The following GLB1L3 variants were observed in gnomAD, a reference collection of about 807,000 sequenced individuals.
The protein encoded by GLB1L3 is beta-galactosidase-1-like protein 3.
A neutral mutation model predicts 89.5 loss-of-function variants in GLB1L3; 89 were observed. The ratio of observed to expected loss-of-function variants is 0.99; its 90% CI spans 0.84 to 1.19. The LOEUF (loss-of-function observed/expected upper bound fraction) is 1.19. Among genes scored for constraint, GLB1L3 ranks in the 50% most tolerant of loss-of-function variants. The pLI is 0.00. For missense variants in GLB1L3, 812 were observed against 813.3 expected, an observed-to-expected ratio of 1.00 and a Z score of 0.02; for synonymous variants, 314 against 312.3, an observed-to-expected ratio of 1.01 and a Z score of -0.06.
chr11:134,304,870 C>T (rs1942114001), intron 9 of GLB1L3, among the ~76,000 whole-genome samples: 1 of 152,022 alleles, frequency 6.6e-6, no homozygotes, highest in African/African-American at 2.4e-5. Flanking sequence ...GAAAAAAACT[C>T]TTTTTTATTA....
chr11:134,309,898 C>A, intron 11 of GLB1L3, 135 bp downstream of exon 11: 2 of 966,994 alleles, frequency 2.1e-6, no homozygotes, highest in Non-Finnish European at 1.5e-6. Flanking sequence ...ATTTTCCTAT[C>A]TACTTTCCTT....
intron 3 of GLB1L3, among the ~76,000 whole-genome samples, chr11:134,280,434 T>A (rs1591531124): frequency 6.6e-6 from 1 of 152,220 alleles, no homozygotes; most frequent in Admixed American, 6.5e-5. Flanking sequence ...GGCTACTGGG[T>A]TCTCTATGTA....
At chr11:134,324,327 T>C (rs773686297), downstream of GLB1L3, among the ~76,000 whole-genome samples, 1 of 152,180 alleles carries the variant, frequency 6.6e-6, no homozygotes, top group African/African-American at 2.4e-5. Flanking sequence ...GGAAAACATA[T>C]TTTAGTAGCA....
At chr11:134,282,515 C>T (rs959621389) in intron 5 of GLB1L3, among the ~76,000 whole-genome samples, 2 of 152,182 alleles carry the variant, frequency 1.3e-5, no homozygotes, top group African/African-American at 4.8e-5. Flanking sequence ...TTAAGGCCTG[C>T]AAGGGAAGGT....
intron 8 of GLB1L3, 57 bp from the exon 9 acceptor site, chr11:134,293,088 C>T: frequency 6.8e-7 from 1 of 1,467,830 alleles, no homozygotes; most frequent in Non-Finnish European, 9.5e-7. Context: ...GCATTCCTTC[C>T]CTTCCCTGAC....
intron 3 of GLB1L3, among the ~76,000 whole-genome samples, chr11:134,279,393 G>A (rs1940563187): frequency 8.9e-6 from 1 of 111,898 alleles, no homozygotes. Context: ...TTGAGATAGA[G>A]TCTTGCTCTG....
intron 18 of GLB1L3, among the ~76,000 whole-genome samples, chr11:134,315,813 A>G (rs928620045): frequency 3.9e-5 from 6 of 151,996 alleles, no homozygotes; most frequent in Admixed American, 6.6e-5. Flanking sequence ...TGTTTATTCA[A>G]TTTCTTAGTT....
chr11:134,324,682 T>C, the GLB1L3 span, among the ~76,000 whole-genome samples: 1 of 152,114 alleles, frequency 6.6e-6, no homozygotes, highest in Non-Finnish European at 1.5e-5. Context: ...CTCATGAAAT[T>C]TGAGGTGGCA....
At chr11:134,292,793 T>C (rs1233245926) in intron 8 of GLB1L3, 7 of 409,318 alleles carry the variant, frequency 1.7e-5, no homozygotes, top group African/African-American at 1.0e-4. Context: ...TCTGCCTCCT[T>C]AGTAGTGGCT....
chr11:134,281,318 A>G, intron 3 of GLB1L3, 59 bp from the exon 4 acceptor site: 1 of 1,604,808 alleles, frequency 6.2e-7, no homozygotes. Context: ...GGGCAGACCT[A>G]ACAATTTGGA....
intron 3 of GLB1L3, 64 bp downstream of exon 3, chr11:134,277,976 TGAGCCTCC>T: frequency 6.5e-7 from 1 of 1,539,314 alleles, no homozygotes. Context: ...GCCGGGAACC[TGAGCCTCC>T]GATTTTGGGG....
chr11:134,277,249 C>T (rs761382512), intron 1 of GLB1L3, 77 bp from the exon 2 acceptor site: 6 of 1,598,276 alleles, frequency 3.8e-6, no homozygotes, highest in East Asian at 2.2e-5. Flanking sequence ...AAAGCGCCCC[C>T]GGCACAGCTT....
chr11:134,312,884 CAG>C lies in GLB1L3; in HGVS notation c.1498_1499del (p.Arg500GlyfsTer24), dbSNP rs771738472. ...ATAAGGACCTGCACATTCCTGAACT[CAG>C]GGTATGTAATTTGAGAGTCCAGGTG... Reference protein sequence around the residue: ...NNKDLHIPELRDCRYLRILVE... With the variant: ...NNKDLHIPELXDCRYLRILVE... On this transcript the variant is annotated frameshift_variant and splice_region_variant, in exon 15 of 20. Coordinates refer to ENST00000431683, the MANE Select transcript of GLB1L3 (RefSeq NM_001080407.3). LOFTEE classifies it high-confidence loss of function. 11 of 1,601,566 alleles carry C rather than the reference CAG, an allele frequency of 6.9e-6. No individual in the cohort carries two copies. In the African/African-American group the frequency reaches 9.4e-5, roughly 14 times the overall value.
chr11:134,298,667 T>C (rs1941779646), intron 9 of GLB1L3, among the ~76,000 whole-genome samples: 1 of 152,202 alleles, frequency 6.6e-6, no homozygotes, highest in African/African-American at 2.4e-5. Flanking sequence ...TTCTTTTTCA[T>C]TTTCTCTTGC....
chr11:134,323,400 C>CGT (rs1555084940), downstream of GLB1L3, among the ~76,000 whole-genome samples: 282 of 27,924 alleles, frequency 0.01, no homozygotes, highest in Middle Eastern at 0.021. Context: ...CACACGTACA[C>CGT]ACACACACAC....
At position 134,311,129 on chromosome 11, in the gene GLB1L3, C is replaced by A. The variant is rs200507020; in HGVS notation, c.1246C>A (p.Leu416Met). Residue 416 changes from leucine to methionine, a missense_variant, in exon 13 of 20, where the codon CTG becomes ATG. Coordinates refer to ENST00000431683, the MANE Select transcript of GLB1L3 (RefSeq NM_001080407.3). Reference protein sequence around the residue: ...KAVYPPVRPSLYLPLWDALSY... With the variant: ...KAVYPPVRPSMYLPLWDALSY... Reference sequence around the variant, plus strand: ...TGTGTATCCCCCCGTGAGACCGTCGCTGTACCTCCCGCTGTGGGACGCCCT... The same window carrying A: ...TGTGTATCCCCCCGTGAGACCGTCGATGTACCTCCCGCTGTGGGACGCCCT... The A allele has an allele frequency of 6.2e-7, 1 of 1,613,918 alleles. No homozygotes were observed. Among genetic ancestry groups the A allele is most frequent in the Admixed American group, 1.7e-5 (1 of 60,034 alleles).
intron 9 of GLB1L3, among the ~76,000 whole-genome samples, chr11:134,299,569 A>G (rs1016060106): frequency 6.6e-6 from 1 of 151,994 alleles, no homozygotes; most frequent in African/African-American, 2.4e-5. Flanking sequence ...GTCAAGGGCA[A>G]GTGCTGGTTT....
At chr11:134,288,058 T>C (rs1198664043) in intron 6 of GLB1L3, among the ~76,000 whole-genome samples, 1 of 152,150 alleles carries the variant, frequency 6.6e-6, no homozygotes, top group Non-Finnish European at 1.5e-5. Context: ...GAGAAGGAAA[T>C]GCATCAGACT....
In GLB1L3 at chr11:134,310,565, T is replaced by C. The variant is rs1474467164; in HGVS notation, c.1100-6T>C. 2 of 1,610,420 alleles carry C rather than the reference T, an allele frequency of 1.2e-6. No homozygotes were observed. Among genetic ancestry groups the C allele is most frequent in the Admixed American group, 1.7e-5 (1 of 59,810 alleles). On this transcript the variant is annotated splice_polypyrimidine_tract_variant and splice_region_variant and intron_variant, in intron 11 of 19. Coordinates refer to ENST00000431683, the MANE Select transcript of GLB1L3 (RefSeq NM_001080407.3). ...ATGGCTGGTGACTGGCCCTGGTGTC[T>C]TGCAGACTATGATGCAGTGCTCACG...
Sources: allele counts gnomAD v4.1 joint callset (sites outside exome capture counted in the v4.1 genomes callset), GRCh38; gene constraint gnomAD v4.1.1; transcripts MANE v1.5; gene names NCBI Gene and HGNC (gene_info 2026-07-23, HGNC 2026-07-21).